PUM2: variants seen among roughly 807,000 people sequenced by gnomAD.
PUM2 encodes the protein pumilio RNA binding family member 2, also known as pumilio homolog 2.
Under a neutral mutation model 124.5 loss-of-function variants are expected in PUM2, and 57 were observed. The observed-to-expected ratio is 0.46, with a 90% CI of 0.37 to 0.57. The LOEUF (loss-of-function observed/expected upper bound fraction) is 0.57, where lower values mean the gene tolerates loss of function less well. Among genes scored for constraint, PUM2 ranks in the 20% least tolerant of loss-of-function variants. The pLI is 0.00. For missense variants in PUM2, 1,065 were observed against 1,290.6 expected (o/e 0.83, Z 2.68); for synonymous variants, 460 against 446.1 (o/e 1.03, Z -0.39).
chr2:20,292,401 C>T (rs1019360721), intron 9 of PUM2, among the ~76,000 whole-genome samples: 1 of 151,638 alleles, frequency 6.6e-6, no homozygotes, highest in African/African-American at 2.4e-5. Flanking sequence ...CTCGCTCTAT[C>T]ACACAGGCTG....
intron 6 of PUM2, 59 bp downstream of exon 6, chr2:20,308,255 T>TTCAGGCTA (rs1055873409): frequency 5.1e-6 from 8 of 1,557,748 alleles, no homozygotes; most frequent in African/African-American, 2.7e-5. Context: ...CACATAGCAC[T>TTCAGGCTA]TCAGGCTAAA....
At chr2:20,350,454 G>A (rs936678269) in intron 1 of PUM2, 143 bp downstream of exon 1, 14 of 981,076 alleles carry the variant, frequency 1.4e-5, no homozygotes, top group Non-Finnish European at 1.7e-5. Context: ...CGGGCCCCAG[G>A]CCGCACCGGC....
intron 13 of PUM2, among the ~76,000 whole-genome samples, chr2:20,277,093 C>T (rs1297280194): frequency 6.6e-6 from 1 of 152,198 alleles, no homozygotes; most frequent in African/African-American, 2.4e-5. Context: ...GCCATTTATA[C>T]AGGCACTAAA....
chr2:20,338,940 A>G (rs189618972), intron 1 of PUM2, among the ~76,000 whole-genome samples: 12 of 152,276 alleles, frequency 7.9e-5, no homozygotes, highest in African/African-American at 2.6e-4. Flanking sequence ...TTTTCCACAC[A>G]CTAGTTGTAT....
At chr2:20,255,179 A>AAT (rs1396368763) in intron 18 of PUM2, 37 bp downstream of exon 18, 7 of 1,557,234 alleles carry the variant, frequency 4.5e-6, no homozygotes, top group African/African-American at 1.4e-5. Flanking sequence ...AATTTCCAAA[A>AAT]ATATATAAAC....
chr2:20,274,024 G>C (rs999731633), intron 13 of PUM2, among the ~76,000 whole-genome samples: 1 of 152,050 alleles, frequency 6.6e-6, no homozygotes, highest in Non-Finnish European at 1.5e-5. Context: ...CTATAGAATA[G>C]CATAATGGAA....
intron 1 of PUM2, chr2:20,332,909 G>GCCC (rs1685216036): frequency 6.6e-6 from 1 of 151,934 alleles, no homozygotes; most frequent in African/African-American, 2.4e-5. Context: ...TTTTTTGTCT[G>GCCC]CATTATTAAG....
chr2:20,328,214 T>C (rs1684124048), intron 1 of PUM2, among the ~76,000 whole-genome samples: 1 of 152,190 alleles, frequency 6.6e-6, no homozygotes. Context: ...CACGCGTTTG[T>C]AGTCCCAGCT....
rs200496647 is a variant in PUM2, at chr2:20,317,035, GA to G, written c.160+1501del. On this transcript the variant is annotated intron_variant, in intron 3 of 20. Coordinates refer to ENST00000361078, the MANE Select transcript of PUM2 (RefSeq NM_015317.5). ...CACAGAGCGAGACTCTGTCTCAGGG[GA>G]AAAAAAAAAAATTAGCCAGATGTGA... Among the ~76,000 whole-genome samples, 192 of 144,454 alleles carry G rather than the reference GA, an allele frequency of 1.3e-3. 1 individual carries two copies. The highest frequency in any genetic ancestry group is 2.4e-3 in the African/African-American group (96 of 39,750). The allele number at this position is 144,454 out of a possible 152,430, so 94.8% of individuals were successfully genotyped here. A position where few individuals can be genotyped will look rare whatever the true frequency, so the allele number is the denominator to read the frequency against.
chr2:20,300,514 T>C (rs929409512), intron 7 of PUM2, among the ~76,000 whole-genome samples: 4 of 151,228 alleles, frequency 2.6e-5, no homozygotes, highest in African/African-American at 7.3e-5. Context: ...CTGGGGGCCT[T>C]AGAATTTTAT....
chr2:20,289,127 T>TA (rs2148090261), intron 10 of PUM2, among the ~76,000 whole-genome samples: 1 of 151,024 alleles, frequency 6.6e-6, no homozygotes. Context: ...CCGTCTCTAC[T>TA]AAAAATACAA....
At chr2:20,282,137 G>GT (rs1034726675) in intron 12 of PUM2, among the ~76,000 whole-genome samples, 49 of 152,208 alleles carry the variant, frequency 3.2e-4, no homozygotes, top group African/African-American at 1.2e-3. Flanking sequence ...TGGGTCAGCT[G>GT]TTTTTTCCCT....
rs755072585 is a variant in PUM2 at position 20,278,822 on chromosome 2, G to A, written c.1721-3C>T. 2 of 1,605,438 alleles carry A rather than the reference G, an allele frequency of 1.2e-6. No individual in the cohort carries two copies. Among genetic ancestry groups the A allele is most frequent in the Non-Finnish European group, 1.7e-6 (2 of 1,174,214 alleles). Reference sequence around the variant, plus strand: ...ACTACTACTTGCAGAACTGCCAACTGAAGAAGAAATAAAAAAAACCCTAAT... The same window carrying A: ...ACTACTACTTGCAGAACTGCCAACTAAAGAAGAAATAAAAAAAACCCTAAT... On this transcript the variant is annotated splice_region_variant and splice_polypyrimidine_tract_variant and intron_variant, in intron 12 of 20. Transcript: ENST00000361078.
At chr2:20,297,495 C>T (rs1246744309) in intron 8 of PUM2, 58 bp downstream of exon 8, 36 of 1,394,556 alleles carry the variant, frequency 2.6e-5, no homozygotes, top group South Asian at 3.2e-5. Context: ...AAAGCTTACA[C>T]CCAAAACTAA....
Position 20,301,594 on chromosome 2 carries a change from C to CT in PUM2, c.884-3917dup, listed in dbSNP as rs534863402. Among the ~76,000 whole-genome samples, 354 of 148,736 alleles carry CT rather than the reference C, an allele frequency of 2.4e-3. 1 individual carries two copies. The South Asian group carries it at 0.026, about 11-fold the overall frequency. ...TCTACAGATACAAACCTAGCTCATC[C>CT]TTTTTTTTTTGAGACAAGGTCTTGC... On this transcript the variant is annotated intron_variant, in intron 7 of 20. Transcript: ENST00000361078.
chr2:20,260,470 C>A lies in PUM2; in HGVS notation c.2226-4G>T. 6.2e-7 allele frequency: 1 copy of A among 1,600,266 alleles called. No homozygotes were observed. Among genetic ancestry groups the A allele is most frequent in the African/African-American group, 1.3e-5 (1 of 74,606 alleles). Reference sequence around the variant, plus strand: ...CTCTAGTTTTTGCTGTATGAATCTACATAGGGAACATTTTTAATATGACAA... The same window carrying A: ...CTCTAGTTTTTGCTGTATGAATCTAAATAGGGAACATTTTTAATATGACAA... On this transcript the variant is annotated splice_region_variant and splice_polypyrimidine_tract_variant and intron_variant, in intron 14 of 20. Coordinates refer to ENST00000361078, the MANE Select transcript of PUM2 (RefSeq NM_015317.5).
chr2:20,267,192 T>C (rs1194355667), intron 13 of PUM2, among the ~76,000 whole-genome samples: 5 of 129,672 alleles, frequency 3.9e-5, no homozygotes, highest in Middle Eastern at 3.9e-3. Flanking sequence ...CCGGCTAAGT[T>C]TGTATTTTTT....
At chr2:20,312,822 T>C (rs1679948640) in intron 3 of PUM2, among the ~76,000 whole-genome samples, 1 of 152,146 alleles carries the variant, frequency 6.6e-6, no homozygotes, top group Admixed American at 6.5e-5. Context: ...CAAACTATAC[T>C]ACAAGGCTAC....
At chr2:20,274,968 A>AAAAAAAAAAAAAAG in intron 13 of PUM2, among the ~76,000 whole-genome samples, 1 of 145,792 alleles carries the variant, frequency 6.9e-6, no homozygotes, top group Non-Finnish European at 1.5e-5. Context: ...AAAAAAAAAA[A>AAAAAAAAAAAAAAG]AAAAAAGATG....
Sources: gnomAD v4.1 joint callset for allele counts (sites outside exome capture counted in the v4.1 genomes callset) on GRCh38, gnomAD v4.1.1 for gene constraint, MANE v1.5 for transcripts, NCBI Gene and HGNC (gene_info 2026-07-23, HGNC 2026-07-21) for gene names.